The following FSTL5 variants were observed in gnomAD, a reference collection of about 807,000 sequenced individuals.
FSTL5 encodes follistatin like 5.
A neutral mutation model predicts 89.1 loss-of-function variants in FSTL5; 62 were observed. The observed-to-expected ratio is 0.70, with a 90% CI of 0.57 to 0.86. The LOEUF (loss-of-function observed/expected upper bound fraction) is 0.86, where lower values mean the gene tolerates loss of function less well. Ranked by LOEUF, FSTL5 falls within the 40% of genes least tolerant of loss-of-function variation. The pLI, the probability that FSTL5 is intolerant of heterozygous loss-of-function variation, is 0.00. For missense variants in FSTL5, 1,057 were observed against 1,001.6 expected (o/e 1.06, Z -0.75); for synonymous variants, 383 against 346.2 (o/e 1.11, Z -1.18).
intron 7 of FSTL5, among the ~76,000 whole-genome samples, chr4:161,630,062 A>T (rs933629054): frequency 6.6e-6 from 1 of 152,084 alleles, no homozygotes; most frequent in Admixed American, 6.6e-5. Context: ...GAACTAGGAG[A>T]CACTTTCCTC....
intron 4 of FSTL5, among the ~76,000 whole-genome samples, chr4:161,885,473 G>A (rs1732778870): frequency 6.6e-6 from 1 of 151,964 alleles, no homozygotes; most frequent in Non-Finnish European, 1.5e-5. Context: ...TTGAGACAGG[G>A]CTGAGCCAGT....
intron 2 of FSTL5, among the ~76,000 whole-genome samples, chr4:162,095,523 G>T (rs986059292): frequency 6.6e-6 from 1 of 151,984 alleles, no homozygotes. Flanking sequence ...GTGAATAAGG[G>T]ACTTTATTGT....
intron 3 of FSTL5, among the ~76,000 whole-genome samples, chr4:162,000,484 G>A (rs983666855): frequency 5.3e-4 from 80 of 151,904 alleles, no homozygotes; most frequent in African/African-American, 1.6e-3. Context: ...TGTAATCCCA[G>A]CTACTTGGGA....
intron 1 of FSTL5, among the ~76,000 whole-genome samples, chr4:162,139,172 T>TACC (rs1732630867): frequency 6.6e-6 from 1 of 152,064 alleles, no homozygotes; most frequent in Admixed American, 6.6e-5. Flanking sequence ...GTTTCTAGTG[T>TACC]ACCCATCAGA....
intron 3 of FSTL5, among the ~76,000 whole-genome samples, chr4:161,954,888 A>G (rs1734988112): frequency 6.6e-6 from 1 of 151,706 alleles, no homozygotes; most frequent in African/African-American, 2.4e-5. Flanking sequence ...TGTGGAATTT[A>G]AGACCAGATA....
chr4:162,041,492 T>C (rs1043549113), intron 2 of FSTL5, among the ~76,000 whole-genome samples: 8 of 152,138 alleles, frequency 5.3e-5, no homozygotes, highest in Non-Finnish European at 1.0e-4. Context: ...TATATATATA[T>C]ATAACACAAT....
intron 6 of FSTL5, among the ~76,000 whole-genome samples, chr4:161,707,762 A>T (rs552913604): frequency 7.6e-4 from 115 of 152,054 alleles, no homozygotes; most frequent in Non-Finnish European, 1.4e-3. Context: ...TTTAATGGTG[A>T]TACACAATAC....
intron 3 of FSTL5, among the ~76,000 whole-genome samples, chr4:162,012,376 A>G (rs1189782953): frequency 2.6e-5 from 4 of 152,202 alleles, no homozygotes; most frequent in African/African-American, 9.6e-5. Context: ...TTAGAATTTT[A>G]TTCTTTTGCA....
At chr4:161,930,819 A>C (rs187877377) in intron 3 of FSTL5, among the ~76,000 whole-genome samples, 1 of 152,016 alleles carries the variant, frequency 6.6e-6, no homozygotes, top group Non-Finnish European at 1.5e-5. Flanking sequence ...CATTTCCCCT[A>C]GCTTAGGTGT....
chr4:161,525,804 T>C (rs562314048), intron 10 of FSTL5, among the ~76,000 whole-genome samples: 1 of 152,314 alleles, frequency 6.6e-6, no homozygotes, highest in East Asian at 1.9e-4. Context: ...TCACCAAGTC[T>C]TGGTAATATG....
intron 5 of FSTL5, among the ~76,000 whole-genome samples, chr4:161,769,285 C>G (rs1306651466): frequency 6.6e-6 from 1 of 151,908 alleles, no homozygotes; most frequent in Non-Finnish European, 1.5e-5. Context: ...TAATCTTACT[C>G]AAACTATTCT....
chr4:161,592,291 T>C (rs1443308299), intron 7 of FSTL5, among the ~76,000 whole-genome samples: 3 of 152,144 alleles, frequency 2.0e-5, no homozygotes, highest in Non-Finnish European at 2.9e-5. Context: ...TTATCATTAT[T>C]ATACATTAAG....
intron 3 of FSTL5, among the ~76,000 whole-genome samples, chr4:161,923,551 T>A (rs1249661602): frequency 6.6e-6 from 1 of 151,836 alleles, no homozygotes; most frequent in East Asian, 1.9e-4. Flanking sequence ...TATGTCATAT[T>A]TTTTCCATCA....
intron 3 of FSTL5, among the ~76,000 whole-genome samples, chr4:161,995,696 T>A (rs914102236): frequency 6.6e-6 from 1 of 152,052 alleles, no homozygotes; most frequent in Non-Finnish European, 1.5e-5. Context: ...AATAAATAAT[T>A]AATTTCTGTT....
At chr4:161,872,141 G>GTTTTTTTTTTTTTT (rs1171950770) in intron 4 of FSTL5, among the ~76,000 whole-genome samples, 1 of 79,564 alleles carries the variant, frequency 1.3e-5, no homozygotes, top group African/African-American at 5.4e-5. Context: ...TTTTTTTTTG[G>GTTTTTTTTTTTTTT]TTTTTTTTTT....
intron 1 of FSTL5, among the ~76,000 whole-genome samples, chr4:162,116,416 G>C (rs1403754638): frequency 2.0e-5 from 3 of 152,210 alleles, no homozygotes; most frequent in Non-Finnish European, 4.4e-5. Context: ...GTAGGTGTGG[G>C]CTTTTACCAC....
chr4:161,403,918 A>G (rs1250966050), intron 15 of FSTL5, among the ~76,000 whole-genome samples: 1 of 152,194 alleles, frequency 6.6e-6, no homozygotes, highest in Admixed American at 6.5e-5. Context: ...GAGTCAAGAA[A>G]AAGGCTAATT....
At position 161,531,992 on chromosome 4, in the gene FSTL5, C is replaced by T. The variant is rs190341741; in HGVS notation, c.1312+6174G>A. On this transcript the variant is annotated intron_variant, in intron 10 of 15. Transcript: ENST00000306100. ...GGCCGAGACGGGCGGATCATGAGGT[C>T]AGGAGATCTAGACCACCCTGGTTAA... Among the ~76,000 whole-genome samples the T allele has an allele frequency of 5.9e-3, 896 of 152,118 alleles. 4 individuals are homozygous for T. Among genetic ancestry groups the T allele is most frequent in the South Asian group, 0.018 (85 of 4,816 alleles).
intron 11 of FSTL5, among the ~76,000 whole-genome samples, chr4:161,502,511 T>C (rs1277410100): frequency 6.6e-6 from 1 of 151,910 alleles, no homozygotes; most frequent in African/African-American, 2.4e-5. Flanking sequence ...TATGAAACAG[T>C]AATGCCAACA....
Sources: gnomAD v4.1 joint callset for allele counts (sites outside exome capture counted in the v4.1 genomes callset) on GRCh38, gnomAD v4.1.1 for gene constraint, MANE v1.5 for transcripts, NCBI Gene and HGNC (gene_info 2026-07-23, HGNC 2026-07-21) for gene names.